Variants in BRINP3 observed in about 807,000 individuals in gnomAD.
BRINP3 encodes BMP/retinoic acid inducible neural specific 3.
Under a neutral mutation model 71.0 loss-of-function variants are expected in BRINP3, and 19 were observed. The observed-to-expected ratio is 0.27, with a 90% CI of 0.19 to 0.39. BRINP3 has a LOEUF of 0.39. Among genes scored for constraint, BRINP3 ranks in the 10% least tolerant of loss-of-function variants. The pLI is 1.00. For synonymous variants in BRINP3, 380 were observed against 337.7 expected (o/e 1.13, Z -1.37); for missense variants, 959 against 940.8 (o/e 1.02, Z -0.25).
At chr1:190,431,893 A>G (rs1342964643) in intron 2 of BRINP3, among the ~76,000 whole-genome samples, 3 of 152,180 alleles carry the variant, frequency 2.0e-5, no homozygotes, top group Non-Finnish European at 4.4e-5. Context: ...ATGTTATTCA[A>G]AAGCTTATCT....
Position 190,379,144 on chromosome 1 carries a change from C to T in BRINP3, c.236+75511G>A, listed in dbSNP as rs550291525. ...ACAATATACAAAAGATGGAAATGTA[C>T]AGAGCCACTGTACCAAAATTGGATT... On this transcript the variant is annotated intron_variant, in intron 2 of 7. Transcript: ENST00000367462. 4.5e-4 allele frequency among the ~76,000 whole-genome samples: 69 copies of T among 152,204 alleles called. 1 individual carries two copies. Among genetic ancestry groups the T allele is most frequent in the South Asian group, 3.1e-3 (15 of 4,824 alleles).
chr1:190,232,905 A>C (rs1022854006), intron 5 of BRINP3, among the ~76,000 whole-genome samples: 7 of 152,124 alleles, frequency 4.6e-5, no homozygotes, highest in African/African-American at 1.7e-4. Context: ...AATTGCAAGA[A>C]ACATTGGTGG....
chr1:190,299,692 T>C (rs1176568524), intron 2 of BRINP3, among the ~76,000 whole-genome samples: 2 of 151,040 alleles, frequency 1.3e-5, no homozygotes, highest in Non-Finnish European at 2.9e-5. Context: ...CCGCATATTG[T>C]TGTTCCTTTC....
intron 2 of BRINP3, among the ~76,000 whole-genome samples, chr1:190,334,261 G>A (rs762566671): frequency 6.6e-6 from 1 of 151,660 alleles, no homozygotes; most frequent in Non-Finnish European, 1.5e-5. Context: ...GAAGGCCCCT[G>A]CCCACGCTAC....
At chr1:190,464,844 T>C (rs1676633841) in intron 1 of BRINP3, among the ~76,000 whole-genome samples, 1 of 152,022 alleles carries the variant, frequency 6.6e-6, no homozygotes, top group Non-Finnish European at 1.5e-5. Flanking sequence ...AAAATTATTC[T>C]TCTTGTTTAT....
intron 7 of BRINP3, among the ~76,000 whole-genome samples, chr1:190,127,418 C>G (rs996625149): frequency 3.3e-5 from 5 of 151,728 alleles, no homozygotes; most frequent in Non-Finnish European, 7.4e-5. Flanking sequence ...TGTAAAAGAT[C>G]AGTTGTTTTT....
At chr1:190,137,298 T>A (rs936109197) in intron 7 of BRINP3, among the ~76,000 whole-genome samples, 1 of 152,080 alleles carries the variant, frequency 6.6e-6, no homozygotes, top group Non-Finnish European at 1.5e-5. Flanking sequence ...TTATCCGGTT[T>A]TTATTTTTGG....
chr1:190,301,878 A>C (rs775064210), intron 2 of BRINP3, among the ~76,000 whole-genome samples: 4 of 151,998 alleles, frequency 2.6e-5, no homozygotes, highest in Non-Finnish European at 5.9e-5. Context: ...TAGTTATAGA[A>C]AAACATTTTT....
intron 2 of BRINP3, among the ~76,000 whole-genome samples, chr1:190,369,226 C>A (rs1378760716): frequency 1.3e-5 from 2 of 152,018 alleles, no homozygotes; most frequent in Non-Finnish European, 2.9e-5. Flanking sequence ...ATAATCGGGA[C>A]TCCAACATCA....
At chr1:190,162,195 A>ATTTT (rs200789147) in intron 6 of BRINP3, among the ~76,000 whole-genome samples, 2,135 of 144,504 alleles carry the variant, frequency 0.015, 44 homozygotes, top group African/African-American at 0.051. Flanking sequence ...TAATAGATGC[A>ATTTT]TTTTTTTTTT....
At chr1:190,315,335 T>C (rs1187517656) in intron 2 of BRINP3, among the ~76,000 whole-genome samples, 1 of 152,064 alleles carries the variant, frequency 6.6e-6, no homozygotes, top group East Asian at 1.9e-4. Flanking sequence ...AGCTGTGGTG[T>C]TCCCAAGGAG....
intron 2 of BRINP3, among the ~76,000 whole-genome samples, chr1:190,298,203 C>G (rs888758060): frequency 6.6e-6 from 1 of 152,052 alleles, no homozygotes; most frequent in Non-Finnish European, 1.5e-5. Flanking sequence ...GTTAAGAGTT[C>G]TGACTTTGGT....
At chr1:190,350,798 G>T (rs977368382) in intron 2 of BRINP3, among the ~76,000 whole-genome samples, 15 of 149,758 alleles carry the variant, frequency 1.0e-4, no homozygotes, top group African/African-American at 3.7e-4. Flanking sequence ...GGCTTCTGCA[G>T]CCAGAATCAA....
chr1:190,350,625 T>G (rs1441321899), intron 2 of BRINP3, among the ~76,000 whole-genome samples: 1 of 152,130 alleles, frequency 6.6e-6, no homozygotes, highest in African/African-American at 2.4e-5. Context: ...TGAGTTTATT[T>G]TTTAAACATG....
At chr1:190,327,326 C>CAAAAAAAAAAAAAAAAAAAAAA (rs1227478693) in intron 2 of BRINP3, among the ~76,000 whole-genome samples, 17 of 44,230 alleles carry the variant, frequency 3.8e-4, no homozygotes, top group South Asian at 8.0e-4. Flanking sequence ...AAAAAAAGAA[C>CAAAAAAAAAAAAAAAAAAAAAA]AAAAAAAAAA....
At chr1:190,416,507 A>C (rs543937274) in intron 2 of BRINP3, among the ~76,000 whole-genome samples, 22 of 152,290 alleles carry the variant, frequency 1.4e-4, no homozygotes, top group South Asian at 8.3e-4. Flanking sequence ...GTTAAACTAC[A>C]CTTCAAAAAC....
chr1:190,355,313 T>C (rs1237681788), intron 2 of BRINP3, among the ~76,000 whole-genome samples: 1 of 151,866 alleles, frequency 6.6e-6, no homozygotes, highest in South Asian at 2.1e-4. Flanking sequence ...AATTGCCAGA[T>C]TAAGGATTTA....
At chr1:190,147,125 A>G (rs1350060533) in intron 7 of BRINP3, among the ~76,000 whole-genome samples, 3 of 152,020 alleles carry the variant, frequency 2.0e-5, no homozygotes. Context: ...AATTTCTTTA[A>G]GTACATTTTT....
chr1:190,304,865 T>C (rs1664986076), intron 2 of BRINP3, among the ~76,000 whole-genome samples: 1 of 151,868 alleles, frequency 6.6e-6, no homozygotes, highest in African/African-American at 2.4e-5. Context: ...ACCATCCACC[T>C]GGCAAAGGAT....
Sources: gnomAD v4.1 joint callset for allele counts (sites outside exome capture counted in the v4.1 genomes callset) on GRCh38, gnomAD v4.1.1 for gene constraint, MANE v1.5 for transcripts, NCBI Gene and HGNC (gene_info 2026-07-23, HGNC 2026-07-21) for gene names.